ZFPM2: variants seen among roughly 807,000 people sequenced by gnomAD.
The protein encoded by ZFPM2 is zinc finger protein, FOG family member 2.
Under a neutral mutation model 98.6 loss-of-function variants are expected in ZFPM2, and 20 were observed. The ratio of observed to expected loss-of-function variants is 0.20; its 90% CI spans 0.14 to 0.29. The LOEUF (loss-of-function observed/expected upper bound fraction) is 0.29. ZFPM2 is among the 10% of genes least tolerant of loss of function. ZFPM2 has a pLI of 1.00. For synonymous variants in ZFPM2, 518 were observed against 502.7 expected (o/e 1.03, Z -0.41); for missense variants, 1,310 against 1,388.6 (o/e 0.94, Z 0.90).
chr8:105,644,928 C>A (rs1347955762), intron 5 of ZFPM2, among the ~76,000 whole-genome samples: 3 of 152,150 alleles, frequency 2.0e-5, no homozygotes, highest in Non-Finnish European at 4.4e-5. Flanking sequence ...CCAACATATA[C>A]ATTTTGGGGA....
intron 1 of ZFPM2, among the ~76,000 whole-genome samples, chr8:105,334,542 G>T (rs1352696908): frequency 6.6e-6 from 1 of 151,416 alleles, no homozygotes; most frequent in South Asian, 2.1e-4. Context: ...ATAGGTCATG[G>T]GTGTATTATT....
chr8:105,475,333 T>C (rs967674472), intron 3 of ZFPM2, among the ~76,000 whole-genome samples: 3 of 152,232 alleles, frequency 2.0e-5, no homozygotes, highest in Non-Finnish European at 4.4e-5. Context: ...AACGATTCAT[T>C]TGAAGTTACG....
chr8:105,534,275 T>TC, intron 3 of ZFPM2, among the ~76,000 whole-genome samples: 1 of 23,736 alleles, frequency 4.2e-5, no homozygotes, highest in Non-Finnish European at 7.3e-5. Flanking sequence ...TCCTTCCTTC[T>TC]TTCCCTCCCT....
At chr8:105,472,664 G>A (rs934884033) in intron 3 of ZFPM2, among the ~76,000 whole-genome samples, 3 of 151,750 alleles carry the variant, frequency 2.0e-5, no homozygotes, top group East Asian at 1.9e-4. Flanking sequence ...CATCGCACCC[G>A]GCTAATTTTT....
intron 4 of ZFPM2, among the ~76,000 whole-genome samples, chr8:105,562,913 C>G (rs1563721239): frequency 6.6e-6 from 1 of 152,156 alleles, no homozygotes; most frequent in Non-Finnish European, 1.5e-5. Flanking sequence ...CTGCCTACCA[C>G]ATGGGATAAA....
intron 5 of ZFPM2, among the ~76,000 whole-genome samples, chr8:105,762,063 T>C (rs1172907840): frequency 6.6e-6 from 1 of 151,952 alleles, no homozygotes; most frequent in African/African-American, 2.4e-5. Context: ...AATTCATAGC[T>C]ATAGGAAAAG....
intron 1 of ZFPM2, among the ~76,000 whole-genome samples, chr8:105,340,869 G>A (rs1410712213): frequency 6.6e-6 from 1 of 151,918 alleles, no homozygotes; most frequent in Admixed American, 6.6e-5. Flanking sequence ...AATAAAATAG[G>A]GTAACGTGAC....
rs866092815 is a variant in ZFPM2 at position 105,801,431 on chromosome 8, C to T, written c.1349C>T (p.Thr450Met). 8.7e-5 allele frequency: 141 copies of T among 1,613,708 alleles called. No individual in the cohort carries two copies. Among genetic ancestry groups the T allele is most frequent in the Non-Finnish European group, 1.0e-4 (120 of 1,179,858 alleles). ...GAGAAAAAGACTCAGCTCTTTCTCA[C>T]GAACCAGAGACCAGAGATACAGCCT... is the stretch of plus-strand genomic sequence containing the variant. The part of the protein sequence containing the change: ...KCEKKTQLFL[T>M]NQRPEIQPTT... Residue 450 changes from threonine (T) to methionine (M), a missense_variant, in exon 8 of 8, where the codon ACG (threonine) becomes ATG (methionine). Transcript: ENST00000407775.
At chr8:105,518,077 G>A (rs1287976439) in intron 3 of ZFPM2, among the ~76,000 whole-genome samples, 2 of 152,118 alleles carry the variant, frequency 1.3e-5, no homozygotes, top group East Asian at 3.9e-4. Flanking sequence ...TCAGTCAGAG[G>A]CACTTTGAAA....
At chr8:105,668,732 A>C (rs1356546998) in intron 5 of ZFPM2, among the ~76,000 whole-genome samples, 1 of 152,240 alleles carries the variant, frequency 6.6e-6, no homozygotes, top group Non-Finnish European at 1.5e-5. Flanking sequence ...CTTAATACTC[A>C]GCAAGAATGT....
intron 5 of ZFPM2, among the ~76,000 whole-genome samples, chr8:105,686,124 C>T (rs1480001381): frequency 1.3e-5 from 2 of 152,014 alleles, no homozygotes; most frequent in South Asian, 2.1e-4. Context: ...GCTCAAAGCA[C>T]TTCTCATATT....
intron 5 of ZFPM2, among the ~76,000 whole-genome samples, chr8:105,762,547 A>G (rs968177952): frequency 1.3e-5 from 2 of 152,002 alleles, no homozygotes; most frequent in African/African-American, 4.8e-5. Context: ...AGTGTAACAG[A>G]TGGCTCTGAG....
At chr8:105,482,117 A>G (rs1020213212) in intron 3 of ZFPM2, among the ~76,000 whole-genome samples, 2 of 152,112 alleles carry the variant, frequency 1.3e-5, no homozygotes, top group Non-Finnish European at 2.9e-5. Flanking sequence ...ATGACAATGG[A>G]TTTGTCAGCT....
chr8:105,764,342 A>C (rs182031794), intron 5 of ZFPM2, among the ~76,000 whole-genome samples: 1 of 151,484 alleles, frequency 6.6e-6, no homozygotes, highest in Admixed American at 6.6e-5. Flanking sequence ...GGAAATACTC[A>C]AAATCAAATT....
intron 5 of ZFPM2, among the ~76,000 whole-genome samples, chr8:105,706,538 T>C (rs1811267926): frequency 6.6e-6 from 1 of 152,152 alleles, no homozygotes; most frequent in South Asian, 2.1e-4. Flanking sequence ...TTCCTGGTAA[T>C]GAGGATAGCA....
intron 5 of ZFPM2, among the ~76,000 whole-genome samples, chr8:105,682,254 G>T (rs1378380203): frequency 1.3e-5 from 2 of 152,082 alleles, no homozygotes; most frequent in Non-Finnish European, 2.9e-5. Flanking sequence ...ACGTAAGGAG[G>T]GGCCAGTTTG....
intron 3 of ZFPM2, among the ~76,000 whole-genome samples, chr8:105,468,386 C>T (rs567457381): frequency 6.6e-6 from 1 of 152,196 alleles, no homozygotes; most frequent in Admixed American, 6.6e-5. Flanking sequence ...CCCTCTTTTA[C>T]AACCACGCTT....
chr8:105,680,025 A>G (rs1439270026), intron 5 of ZFPM2, among the ~76,000 whole-genome samples: 1 of 152,120 alleles, frequency 6.6e-6, no homozygotes, highest in East Asian at 1.9e-4. Context: ...TGTTCTCCAC[A>G]TTTTGTTACA....
chr8:105,693,562 T>C (rs1810941840), intron 5 of ZFPM2, among the ~76,000 whole-genome samples: 1 of 152,152 alleles, frequency 6.6e-6, no homozygotes, highest in Non-Finnish European at 1.5e-5. Flanking sequence ...GATGCACATA[T>C]CCAGATAAAA....
Sources: allele counts gnomAD v4.1 joint callset (sites outside exome capture counted in the v4.1 genomes callset), GRCh38; gene constraint gnomAD v4.1.1; transcripts MANE v1.5; gene names NCBI Gene and HGNC (gene_info 2026-07-23, HGNC 2026-07-21).